Variants in TMEM175 observed in about 807,000 individuals in gnomAD.
TMEM175 encodes the protein transmembrane protein 175, also known as endosomal/lysosomal proton channel TMEM175.
Under a neutral mutation model 36.5 loss-of-function variants are expected in TMEM175, and 36 were observed. The observed-to-expected ratio is 0.99, with a 90% CI of 0.76 to 1.30. TMEM175 has a LOEUF of 1.30. TMEM175 is among the 50% of genes most tolerant of loss of function. TMEM175 has a pLI of 0.00. For missense variants in TMEM175, 705 were observed against 692.8 expected (o/e 1.02, Z -0.20); for synonymous variants, 339 against 313.4 (o/e 1.08, Z -0.86).
chr4:937,531 C>G (rs1726930797), intron 1 of TMEM175, among the ~76,000 whole-genome samples: 1 of 152,078 alleles, frequency 6.6e-6, no homozygotes, highest in Non-Finnish European at 1.5e-5. Flanking sequence ...CCATTGCACT[C>G]CAACCTGGAC....
chr4:955,650 C>A, intron 9 of TMEM175, 105 bp from the exon 10 acceptor site: 1 of 1,516,956 alleles, frequency 6.6e-7, no homozygotes, highest in Admixed American at 1.9e-5. Flanking sequence ...CCTCTCCTGG[C>A]CTGCACATTC....
chr4:952,695 C>T (rs1729091889), intron 7 of TMEM175, among the ~76,000 whole-genome samples: 1 of 129,304 alleles, frequency 7.7e-6, no homozygotes, highest in Non-Finnish European at 1.6e-5. Context: ...GGGTCCTGTG[C>T]TCTGTGTGTG....
chr4:956,105 C>CCCCTCCCTTCCCAGA (rs1729595631), intron 10 of TMEM175, among the ~76,000 whole-genome samples: 12 of 145,526 alleles, frequency 8.2e-5, no homozygotes, highest in African/African-American at 3.0e-4. Flanking sequence ...CCCTTCCCAG[C>CCCCTCCCTTCCCAGA]GGCTCCCACC....
intron 1 of TMEM175, among the ~76,000 whole-genome samples, chr4:944,164 G>T (rs748806854): frequency 4.1e-4 from 62 of 152,110 alleles, no homozygotes; most frequent in Non-Finnish European, 8.8e-5. Flanking sequence ...ATGGTGGCTG[G>T]TGCCTGTAAT....
rs539525797 is a variant in TMEM175 at position 948,646 on chromosome 4, T to TCCACTTACAG, written c.192+496_192+497insTTACAGCCAC. The TCCACTTACAG allele has an allele frequency of 4.4e-3, 5,495 of 1,243,136 alleles. 264 individuals carry two copies. In the South Asian group the frequency reaches 0.069, roughly 16 times the overall value. The allele number at this position is 1,243,136 out of a possible 1,614,324, so 77.0% of individuals were successfully genotyped here. ...CGGGAAAGGGTTTACAAGCAGAGTT[T>TCCACTTACAG]CCACCTTGACTGTTTCTGAGCTAAA... On this transcript the variant is annotated intron_variant, in intron 3 of 10. Transcript: ENST00000264771.
chr4:951,628 C>G, intron 5 of TMEM175, 54 bp from the exon 6 acceptor site: 1 of 1,612,992 alleles, frequency 6.2e-7, no homozygotes. Flanking sequence ...CTGTCCATTC[C>G]CCTGCCCTTC....
intron 1 of TMEM175, among the ~76,000 whole-genome samples, chr4:936,246 G>A (rs1726761401): frequency 6.6e-6 from 1 of 151,696 alleles, no homozygotes; most frequent in African/African-American, 2.4e-5. Flanking sequence ...TTGGGAGCCT[G>A]AGGCAAGAGA....
At chr4:934,243 C>T (rs777575286) in intron 1 of TMEM175, among the ~76,000 whole-genome samples, 18 of 152,100 alleles carry the variant, frequency 1.2e-4, no homozygotes, top group Non-Finnish European at 2.1e-4. Context: ...GAAGAGAGGA[C>T]CAACAGAGAT....
At chr4:951,495 G>A (rs1165582752) in intron 5 of TMEM175, among the ~76,000 whole-genome samples, 187 bp from the exon 6 acceptor site, 3 of 152,220 alleles carry the variant, frequency 2.0e-5, no homozygotes, top group Non-Finnish European at 4.4e-5. Context: ...GTTGGGCACA[G>A]GTGTAGGGGA....
chr4:946,390 C>T (rs912293655), intron 1 of TMEM175, among the ~76,000 whole-genome samples: 1 of 152,214 alleles, frequency 6.6e-6, no homozygotes, highest in Non-Finnish European at 1.5e-5. Flanking sequence ...GCCCAGCCTC[C>T]ACCTCGGGTG....
chr4:941,312 G>C (rs549021254), intron 1 of TMEM175, among the ~76,000 whole-genome samples: 1 of 145,984 alleles, frequency 6.9e-6, no homozygotes, highest in Admixed American at 6.9e-5. Flanking sequence ...GGAGGCAGAG[G>C]TTGCAATGAG....
In TMEM175 at chr4:958,402, G is replaced by C; in HGVS notation, c.1421G>C (p.Arg474Pro). Residue 474 changes from arginine (R) to proline (P), a missense_variant, in exon 11 of 11, where the codon CGG (arginine) becomes CCG (proline). Physicochemically the swap from Arg to Pro is moderately radical, Grantham distance 103. Transcript: ENST00000264771. ...GTGGGCCTGGCCCTGGCCACCCTGC[G>C]GGTCCTGCGGGGCCTCGCCCGGCCC... is the stretch of plus-strand genomic sequence containing the variant. ...LLVGLALATL[R>P]VLRGLARPEH... 1 of 1,599,966 alleles carries C rather than the reference G, an allele frequency of 6.3e-7. No homozygotes were observed. Among genetic ancestry groups the C allele is most frequent in the Non-Finnish European group, 8.5e-7 (1 of 1,179,094 alleles).
At chr4:943,312 C>G (rs1727748347) in intron 1 of TMEM175, among the ~76,000 whole-genome samples, 1 of 152,202 alleles carries the variant, frequency 6.6e-6, no homozygotes, top group Admixed American at 6.5e-5. Flanking sequence ...AGTGCAGTGG[C>G]ACGATCTTGG....
At chr4:952,165 C>G (rs78188793) in intron 6 of TMEM175, among the ~76,000 whole-genome samples, 5,521 of 152,290 alleles carry the variant, frequency 0.036, 180 homozygotes, top group East Asian at 0.16. Flanking sequence ...CTTTAAAGGC[C>G]TGAGACATCT....
At position 932,522 on chromosome 4, in the gene TMEM175, C is replaced by T. The variant is rs1478962607; in HGVS notation, c.-50C>T. The stretch of plus-strand genomic sequence containing the variant: ...AAGCGGAGGCGCGCGGAACAGTCGC[C>T]GAGGCGATTCCCGCCCAGGTAGTTC... On this transcript the variant is annotated 5_prime_UTR_variant, in exon 1 of 11. Transcript: ENST00000264771. This position sits in a 1 kb window ranked among gnomAD's most constrained non-coding sequence, Gnocchi z 4.0. 3 of 457,598 alleles carry T rather than the reference C, an allele frequency of 6.6e-6. No homozygotes were observed. Among genetic ancestry groups the T allele is most frequent in the Non-Finnish European group, 7.6e-6 (2 of 262,928 alleles). 28.3% of individuals were successfully genotyped at this position (457,598 alleles called of 1,614,324 possible).
At chr4:942,022 G>A (rs1375248228) in intron 1 of TMEM175, among the ~76,000 whole-genome samples, 2 of 151,528 alleles carry the variant, frequency 1.3e-5, no homozygotes, top group Non-Finnish European at 2.9e-5. Context: ...GTTAACTTTT[G>A]TATGTGTATT....
intron 1 of TMEM175, among the ~76,000 whole-genome samples, chr4:946,569 C>T (rs943798559): frequency 1.3e-5 from 2 of 152,190 alleles, no homozygotes; most frequent in Non-Finnish European, 2.9e-5. Flanking sequence ...GCTCCTGCAG[C>T]CATACCTCAG....
At chr4:953,077 T>C in intron 7 of TMEM175, 113 bp from the exon 8 acceptor site, 1 of 1,166,682 alleles carries the variant, frequency 8.6e-7, no homozygotes, top group African/African-American at 1.6e-5. Flanking sequence ...CGGGGCCAGG[T>C]CCTCCCCACC....
intron 3 of TMEM175, chr4:948,725 C>T (rs576467280): frequency 8.8e-7 from 1 of 1,136,232 alleles, no homozygotes; most frequent in South Asian, 1.5e-5. Flanking sequence ...GGGGCCCACA[C>T]CTGCCTGGCT....
Sources: allele counts gnomAD v4.1 joint callset (sites outside exome capture counted in the v4.1 genomes callset), GRCh38; gene constraint gnomAD v4.1.1; non-coding constraint Gnocchi (gnomAD v3.1); transcripts MANE v1.5; gene names NCBI Gene and HGNC (gene_info 2026-07-23, HGNC 2026-07-21).